MUC5AC: variants seen among roughly 807,000 people sequenced by gnomAD.
The protein encoded by MUC5AC is mucin 5AC, oligomeric mucus/gel-forming.
Under a neutral mutation model 169.7 loss-of-function variants are expected in MUC5AC, and 158 were observed. The ratio of observed to expected loss-of-function variants is 0.93; its 90% CI spans 0.82 to 1.06. The LOEUF is 1.06. Ranked by LOEUF, MUC5AC falls within the 50% of genes least tolerant of loss-of-function variation. The probability of loss-of-function intolerance (pLI) is 0.00; values close to 1 mark genes in which losing one functional copy is unlikely to be tolerated. For synonymous variants in MUC5AC, 1,975 were observed against 1,237.0 expected (o/e 1.60, Z -12.52); for missense variants, 4,359 against 3,089.9 (o/e 1.41, Z -9.74).
rs200882503 is a variant in MUC5AC, at chr11:1,196,048, A to G, written c.15631A>G (p.Met5211Val). The change falls in exon 37 of 49, where the codon ATG becomes GTG. Residue 5211 changes from methionine to valine, a missense_variant. By Grantham distance (21) the Met-to-Val change is conservative. Transcript: ENST00000621226. Reference sequence around the variant, plus strand: ...CGATTGGAGAGGCCGGACCGGCCACATGTGCCGTGAGTGCCACCACTGTCC... The same window carrying G: ...CGATTGGAGAGGCCGGACCGGCCACGTGTGCCGTGAGTGCCACCACTGTCC... The part of the protein sequence containing the change: ...CIDWRGRTGH[M>V]CPFTCPADKV... 3 of 764,210 alleles carry G rather than the reference A, an allele frequency of 3.9e-6. No individual in the cohort carries two copies. The highest frequency in any genetic ancestry group is 2.7e-5 in the South Asian group (2 of 74,504). 47.3% of individuals were successfully genotyped at this position (764,210 alleles called of 1,614,324 possible).
rs746688923 is a variant in MUC5AC, at chr11:1,168,691, C to G, written c.1617C>G (p.Thr539=). The change falls in exon 14 of 49, where the codon ACC becomes ACG. Residue 539 remains threonine, a synonymous_variant. Transcript: ENST00000621226. ...RPSTFFIIAQ[T]SLGLQLNLQL... The stretch of plus-strand genomic sequence containing the variant: ...CAACCTTCTTCATCATCGCCCAGAC[C>G]AGCCTGGGCCTGCAGCTGAACCTGC... 1.2e-5 allele frequency: 19 copies of G among 1,610,864 alleles called. No individual in the cohort carries two copies. Among genetic ancestry groups the G allele is most frequent in the Non-Finnish European group, 1.6e-5 (19 of 1,178,396 alleles).
chr11:1,197,028 T>G (rs1590153815), intron 40 of MUC5AC, 120 bp downstream of exon 40: 1 of 654,522 alleles, frequency 1.5e-6, no homozygotes, highest in East Asian at 2.7e-5. Context: ...GTCCTCTCTG[T>G]GTCAGAGGCC....
Position 1,161,603 on chromosome 11 carries a change from G to A in MUC5AC, c.211+17G>A. Reference sequence around the variant, plus strand: ...TGGTACGAGGTGAGTGGAGCCCGGAGGCCTGGGTGGGGAAGGGTCATAGCT... The same window carrying A: ...TGGTACGAGGTGAGTGGAGCCCGGAAGCCTGGGTGGGGAAGGGTCATAGCT... On this transcript the variant is annotated intron_variant, in intron 3 of 48. Coordinates refer to ENST00000621226, the MANE Select transcript of MUC5AC (RefSeq NM_001304359.2). The A allele has an allele frequency of 1.9e-6, 3 of 1,606,008 alleles. No individual in the cohort carries two copies. Among genetic ancestry groups the A allele is most frequent in the South Asian group, 1.1e-5 (1 of 90,600 alleles).
Position 1,181,062 on chromosome 11 carries a change from C to T in MUC5AC, c.3777-77C>T, listed in dbSNP as rs1029811384. ...CCTGTCGGAGCTGCTCCCTGCCCGC[C>T]GTTGGTAGCATGGGATGCCCGTGGA... On this transcript the variant is annotated intron_variant, in intron 28 of 48. Transcript: ENST00000621226. 1.8e-3 allele frequency: 710 copies of T among 398,442 alleles called. 2 individuals are homozygous for T. The highest frequency in any genetic ancestry group is 8.3e-3 in the African/African-American group (405 of 48,718). The allele number at this position is 398,442 out of a possible 1,614,324, so 24.7% of individuals were successfully genotyped here.
chr11:1,200,306 TTG>T, intron 48 of MUC5AC, 130 bp from the exon 49 acceptor site: 1 of 601,048 alleles, frequency 1.7e-6, no homozygotes, highest in Non-Finnish European at 3.0e-6. Flanking sequence ...GGAGAGCTGG[TTG>T]TCAGACACTG....
In MUC5AC at chr11:1,164,465, C is replaced by A. The variant is rs55827090; in HGVS notation, c.1062C>A (p.Thr354=). 3.5e-4 allele frequency: 559 copies of A among 1,612,060 alleles called. 12 individuals carry two copies. The East Asian group carries it at 0.012, about 36-fold the overall frequency. ...AGTGCCGCTCCCCCTGCGCAGACAC[C>A]TGCTCCAACCAGGAGCACTCCCGGG... The part of the protein sequence containing the change: ...YHECRSPCAD[T]CSNQEHSRAC... The change falls in exon 9 of 49, where the codon ACC becomes ACA. Residue 354 remains threonine, a synonymous_variant. Coordinates refer to ENST00000621226, the MANE Select transcript of MUC5AC (RefSeq NM_001304359.2).
intron 34 of MUC5AC, 37 bp from the exon 35 acceptor site, chr11:1,194,450 G>C (rs1332763793): frequency 1.4e-6 from 1 of 728,346 alleles, no homozygotes; most frequent in Non-Finnish European, 2.5e-6. Context: ...CCGCCCGCCT[G>C]CCTTCTGACT....
At chr11:1,167,819 C>T (rs1860379342) in intron 11 of MUC5AC, 58 bp from the exon 12 acceptor site, 1 of 1,427,236 alleles carries the variant, frequency 7.0e-7, no homozygotes, top group East Asian at 2.5e-5. Context: ...ACTGGCAGGG[C>T]CAGGTGGGCT....
intron 46 of MUC5AC, 87 bp from the exon 47 acceptor site, chr11:1,199,608 C>A (rs1861371421): frequency 2.9e-6 from 2 of 695,734 alleles, no homozygotes; most frequent in Non-Finnish European, 5.3e-6. Context: ...GCTGTCCACT[C>A]CTGAGCCTGG....
At position 1,164,547 on chromosome 11, in the gene MUC5AC, C is replaced by T. The variant is rs1860246365; in HGVS notation, c.1129+15C>T. On this transcript the variant is annotated intron_variant, in intron 9 of 48. Transcript: ENST00000621226. ...CTGCCCTGAGGGTGAGGCTCCCCCG[C>T]CCCTGGGAAACACAGGTGCACCCCG... is the stretch of plus-strand genomic sequence containing the variant. 6.3e-7 allele frequency: 1 copy of T among 1,596,370 alleles called. No homozygotes were observed. The highest frequency in any genetic ancestry group is 1.7e-5 in the Admixed American group (1 of 57,940).
chr11:1,192,653 G>A, intron 31 of MUC5AC, 128 bp downstream of exon 31: 1 of 688,780 alleles, frequency 1.5e-6, no homozygotes, highest in South Asian at 1.6e-5. Context: ...TCACAGAGTG[G>A]CTGCTGGCAT....
In MUC5AC at chr11:1,168,918, G is replaced by C; in HGVS notation, c.1762G>C (p.Val588Leu). 1 of 1,611,242 alleles carries C rather than the reference G, an allele frequency of 6.2e-7. No homozygotes were observed. The change falls in exon 15 of 49, where the codon GTG becomes CTG. Residue 588 changes from valine to leucine, a missense_variant. Physicochemically the swap from Val to Leu is conservative, Grantham distance 32. Transcript: ENST00000621226. ...QADDFRTLSG[V>L]VEATAAAFFN... Reference sequence around the variant, plus strand: ...CGATGACTTCCGGACCCTCAGTGGGGTGGTGGAGGCCACCGCTGCGGCCTT... The same window carrying C: ...CGATGACTTCCGGACCCTCAGTGGGCTGGTGGAGGCCACCGCTGCGGCCTT...
At chr11:1,175,792 ACTCACACC>A (rs1860664163) in intron 19 of MUC5AC, among the ~76,000 whole-genome samples, 1 of 3,270 alleles carries the variant, frequency 3.1e-4, no homozygotes. Flanking sequence ...ATGCACACGC[ACTCACACC>A]CACCCACTCA....
chr11:1,194,910 A>T, intron 35 of MUC5AC, 102 bp from the exon 36 acceptor site: 2 of 634,222 alleles, frequency 3.2e-6, no homozygotes, highest in Non-Finnish European at 5.8e-6. Flanking sequence ...GCTGCAGTTC[A>T]CCAAGTTGTG....
chr11:1,175,327 C>T, intron 19 of MUC5AC, 57 bp downstream of exon 19: 2 of 398,560 alleles, frequency 5.0e-6, no homozygotes, highest in Non-Finnish European at 4.4e-6. Flanking sequence ...TATAAGAAAT[C>T]CTGAAAAATG....
In MUC5AC at chr11:1,195,635, G is replaced by T. The variant is rs575207183; in HGVS notation, c.15459-241G>T. 1.1e-4 allele frequency among the ~76,000 whole-genome samples: 15 copies of T among 137,814 alleles called. No homozygotes were observed. The East Asian group carries it at 2.4e-3, about 22-fold the overall frequency. The allele number at this position is 137,814 out of a possible 152,430, so 90.4% of individuals were successfully genotyped here. Reference sequence around the variant, plus strand: ...AGGTTTGCAGGGCAGGGGCTGGGGGGGCCAGGAAGAAGAACTTGCAGAAAT... The same window carrying T: ...AGGTTTGCAGGGCAGGGGCTGGGGGTGCCAGGAAGAAGAACTTGCAGAAAT... On this transcript the variant is annotated intron_variant, in intron 36 of 48. Transcript: ENST00000621226.
chr11:1,182,244 T>C lies in MUC5AC; in HGVS notation c.4099T>C (p.Ser1367Pro). ...CGCCTGGCCCACCACAGCAGGCACT[T>C]CTCCCAGGACGAGGCTGCCCACAGC... Reference protein sequence around the residue: ...SSAWPTTAGTSPRTRLPTASA... With the variant: ...SSAWPTTAGTPPRTRLPTASA... Residue 1367 changes from serine to proline, a missense_variant, in exon 31 of 49, where the codon TCT (serine) becomes CCT (proline). Transcript: ENST00000621226. 2.5e-6 allele frequency: 1 copy of C among 398,574 alleles called. No homozygotes were observed. 24.7% of individuals were successfully genotyped at this position (398,574 alleles called of 1,614,324 possible).
In MUC5AC at chr11:1,186,965, A is replaced by T. The variant is rs1338299836; in HGVS notation, c.8820A>T (p.Thr2940=). 7 of 738,076 alleles carry T rather than the reference A, an allele frequency of 9.5e-6. No homozygotes were observed. In the Admixed American group the frequency reaches 1.1e-4, roughly 12 times the overall value. The allele number at this position is 738,076 out of a possible 1,614,324, so 45.7% of individuals were successfully genotyped here. ...TSTISVPTTS[T]TSVPGTTPSP... ...CAATCTCTGTTCCTACAACCAGCAC[A>T]ACTTCTGTTCCTGGAACTACTCCCA... Residue 2940 remains threonine, a synonymous_variant, in exon 31 of 49, where the codon ACA becomes ACT. Transcript: ENST00000621226.
At chr11:1,197,784 C>T in intron 41 of MUC5AC, 119 bp from the exon 42 acceptor site, 1 of 635,344 alleles carries the variant, frequency 1.6e-6, no homozygotes, top group South Asian at 1.7e-5. Context: ...GCAACAGCCT[C>T]ATCTGGAGAC....
Sources: allele counts gnomAD v4.1 joint callset (sites outside exome capture counted in the v4.1 genomes callset), GRCh38; gene constraint gnomAD v4.1.1; transcripts MANE v1.5; gene names NCBI Gene and HGNC (gene_info 2026-07-23, HGNC 2026-07-21).